TC2N: variants seen among roughly 807,000 people sequenced by gnomAD.
TC2N encodes the protein tandem C2 domains, nuclear.
A neutral mutation model predicts 61.9 loss-of-function variants in TC2N; 51 were observed. That is an observed-to-expected ratio of 0.82 (90% CI 0.66 to 1.04). The LOEUF (loss-of-function observed/expected upper bound fraction) is 1.04. TC2N is among the 50% of genes least tolerant of loss of function. TC2N has a pLI of 0.00. For synonymous variants in TC2N, 204 were observed against 192.6 expected, an observed-to-expected ratio of 1.06 and a Z score of -0.49; for missense variants, 556 against 566.7, an observed-to-expected ratio of 0.98 and a Z score of 0.19.
chr14:91,787,485 T>C (rs368472113), intron 10 of TC2N, 28 bp downstream of exon 10: 5 of 1,346,372 alleles, frequency 3.7e-6, no homozygotes, highest in Non-Finnish European at 5.2e-6. Flanking sequence ...TTTCTGAAGA[T>C]TCTACTTTGA....
chr14:91,805,535 C>G (rs764448576), intron 3 of TC2N, among the ~76,000 whole-genome samples: 4 of 151,980 alleles, frequency 2.6e-5, no homozygotes, highest in African/African-American at 9.7e-5. Context: ...TGTGGTGGCC[C>G]GCGCCTGTAG....
chr14:91,822,390 C>CA (rs1193572963), intron 1 of TC2N, among the ~76,000 whole-genome samples: 1 of 152,106 alleles, frequency 6.6e-6, no homozygotes. Context: ...AGAATGCCAA[C>CA]AAAAAGAGTA....
At chr14:91,860,323 T>C (rs1392206909) in intron 1 of TC2N, among the ~76,000 whole-genome samples, 3 of 139,304 alleles carry the variant, frequency 2.2e-5, no homozygotes, top group Non-Finnish European at 3.2e-5. Flanking sequence ...GGGGAAATCA[T>C]TTCCTTGCAA....
Position 91,782,990 on chromosome 14 carries a change from C to T in TC2N, c.*110G>A. The T allele has an allele frequency of 1.5e-6, 1 of 676,002 alleles. No homozygotes were observed. The highest frequency in any genetic ancestry group is 2.6e-5 in the East Asian group (1 of 38,006). The allele number at this position is 676,002 out of a possible 1,614,324, so 41.9% of individuals were successfully genotyped here. The stretch of plus-strand genomic sequence containing the variant: ...TACATTATATACCATAATTATAGCC[C>T]CCATAAATTGACAAATTTGTTGATT... On this transcript the variant is annotated 3_prime_UTR_variant, in exon 12 of 12. Transcript: ENST00000435962.
chr14:91,827,645 G>C (rs987084065), intron 1 of TC2N, among the ~76,000 whole-genome samples: 1 of 152,150 alleles, frequency 6.6e-6, no homozygotes, highest in Non-Finnish European at 1.5e-5. Context: ...CATCTGTAAA[G>C]TCACTTTTTC....
intron 3 of TC2N, among the ~76,000 whole-genome samples, chr14:91,804,849 C>T (rs1001726201): frequency 1.3e-5 from 2 of 152,164 alleles, no homozygotes; most frequent in Non-Finnish European, 2.9e-5. Flanking sequence ...GTTACTAGTA[C>T]TACTCTATGT....
At chr14:91,796,391 T>A (rs1013688437) in intron 8 of TC2N, among the ~76,000 whole-genome samples, 1 of 152,068 alleles carries the variant, frequency 6.6e-6, no homozygotes, top group South Asian at 2.1e-4. Flanking sequence ...AAACATTAGT[T>A]TTCATAGTTA....
intron 1 of TC2N, among the ~76,000 whole-genome samples, chr14:91,859,494 A>G (rs934822293): frequency 7.2e-5 from 11 of 151,930 alleles, no homozygotes; most frequent in Admixed American, 1.3e-4. Flanking sequence ...GCATTTTCCC[A>G]TCATCACATT....
intron 8 of TC2N, among the ~76,000 whole-genome samples, chr14:91,796,825 G>A (rs1380754454): frequency 6.6e-6 from 1 of 152,094 alleles, no homozygotes; most frequent in Non-Finnish European, 1.5e-5. Flanking sequence ...AAGTCACCCA[G>A]TTTGTGGTAC....
chr14:91,861,226 A>G (rs1423919751), intron 1 of TC2N, among the ~76,000 whole-genome samples: 2 of 152,234 alleles, frequency 1.3e-5, no homozygotes, highest in African/African-American at 4.8e-5. Context: ...TCAGAAGAAC[A>G]GCCACAAGAA....
At position 91,860,375 on chromosome 14, in the gene TC2N, CA is replaced by C. The variant is rs547074891; in HGVS notation, c.-57+6886del. On this transcript the variant is annotated intron_variant, in intron 1 of 11. Transcript: ENST00000435962. ...GGATTAACCTTTATACAAAATTAAG[CA>C]GGTTTTCTTTTCATTGCAGGACTTC... 1.9e-3 allele frequency among the ~76,000 whole-genome samples: 287 copies of C among 151,266 alleles called. 2 individuals are homozygous for C. The highest frequency in any genetic ancestry group is 6.4e-3 in the African/African-American group (264 of 41,188).
intron 1 of TC2N, among the ~76,000 whole-genome samples, chr14:91,862,707 C>T (rs1031431939): frequency 5.9e-5 from 9 of 152,218 alleles, no homozygotes; most frequent in African/African-American, 2.2e-4. Flanking sequence ...AATGAGGCAG[C>T]CTGCTTCTTT....
chr14:91,812,607 C>G, intron 2 of TC2N, 62 bp from the exon 3 acceptor site: 1 of 782,596 alleles, frequency 1.3e-6, no homozygotes. Flanking sequence ...ATAATCTAAA[C>G]CTAGCATACT....
chr14:91,792,769 T>C (rs1224611976), intron 8 of TC2N, among the ~76,000 whole-genome samples: 2 of 152,188 alleles, frequency 1.3e-5, no homozygotes, highest in Non-Finnish European at 2.9e-5. Flanking sequence ...CAAATCATCC[T>C]TTAAATTATT....
rs1465536233 is a variant in TC2N at position 91,865,622 on chromosome 14, CAAAAAG to C, written c.-57+1634_-57+1639del. Reference sequence around the variant, plus strand: ...CATTTAAAGTAAACACAAATTGTATCAAAAAGAAAAAGTTTATCTAGCATTTATTAG... The same window carrying C: ...CATTTAAAGTAAACACAAATTGTATCAAAAAGTTTATCTAGCATTTATTAG... On this transcript the variant is annotated intron_variant, in intron 1 of 11. Transcript: ENST00000435962. Among the ~76,000 whole-genome samples the C allele has an allele frequency of 9.9e-5, 15 of 151,868 alleles. No homozygotes were observed. In the East Asian group the frequency reaches 2.5e-3, roughly 25 times the overall value.
At chr14:91,791,769 G>C (rs1208227262) in intron 9 of TC2N, among the ~76,000 whole-genome samples, 4 of 150,786 alleles carry the variant, frequency 2.7e-5, no homozygotes, top group Admixed American at 6.6e-5. Context: ...AAAAAAAAAA[G>C]GTTATTCATA....
chr14:91,826,262 G>A (rs1450852374), intron 1 of TC2N, among the ~76,000 whole-genome samples: 1 of 150,880 alleles, frequency 6.6e-6, no homozygotes, highest in Non-Finnish European at 1.5e-5. Flanking sequence ...GGAGGCTGTG[G>A]GAAGCCGTGA....
At chr14:91,856,478 C>A (rs539689682) in intron 1 of TC2N, among the ~76,000 whole-genome samples, 2 of 128,924 alleles carry the variant, frequency 1.6e-5, no homozygotes, top group South Asian at 2.9e-4. Flanking sequence ...CAAAGTGAGA[C>A]CTTGTCTCAA....
intron 9 of TC2N, among the ~76,000 whole-genome samples, chr14:91,789,551 C>A (rs1885540557): frequency 6.6e-6 from 1 of 151,242 alleles, no homozygotes; most frequent in African/African-American, 2.4e-5. Context: ...GCGGAGCTTG[C>A]AGTGAGCCGA....
Sources: gnomAD v4.1 joint callset for allele counts (sites outside exome capture counted in the v4.1 genomes callset) on GRCh38, gnomAD v4.1.1 for gene constraint, MANE v1.5 for transcripts, NCBI Gene and HGNC (gene_info 2026-07-23, HGNC 2026-07-21) for gene names.